Variants in GRIK2 observed in about 807,000 individuals in gnomAD.
The protein encoded by GRIK2 is glutamate ionotropic receptor kainate type subunit 2.
Under a neutral mutation model 100.3 loss-of-function variants are expected in GRIK2, and 32 were observed. The ratio of observed to expected loss-of-function variants is 0.32; its 90% CI spans 0.24 to 0.43. The LOEUF (loss-of-function observed/expected upper bound fraction) is 0.43. Among genes scored for constraint, GRIK2 ranks in the 20% least tolerant of loss-of-function variants. The pLI, the probability that GRIK2 is intolerant of heterozygous loss-of-function variation, is 1.00. For missense variants in GRIK2, 843 were observed against 1,114.9 expected, an observed-to-expected ratio of 0.76 and a Z score of 3.47; for synonymous variants, 417 against 389.4, an observed-to-expected ratio of 1.07 and a Z score of -0.83.
At chr6:101,987,832 T>A (rs1377962776) in intron 14 of GRIK2, among the ~76,000 whole-genome samples, 1 of 151,664 alleles carries the variant, frequency 6.6e-6, no homozygotes, top group Non-Finnish European at 1.5e-5. Flanking sequence ...CAGATTTAAA[T>A]TTTTTCATTT....
At chr6:101,741,097 G>A (rs1443846699) in intron 7 of GRIK2, among the ~76,000 whole-genome samples, 1 of 152,194 alleles carries the variant, frequency 6.6e-6, no homozygotes, top group East Asian at 1.9e-4. Flanking sequence ...CAAGGTCAGG[G>A]AAAGCCACAA....
intron 16 of GRIK2, among the ~76,000 whole-genome samples, chr6:102,060,435 A>G (rs1771689181): frequency 6.6e-6 from 1 of 150,826 alleles, no homozygotes; most frequent in African/African-American, 2.4e-5. Flanking sequence ...TTTAAAGGTC[A>G]TTTATAAGGA....
chr6:101,504,374 A>T (rs1253957271), intron 2 of GRIK2, among the ~76,000 whole-genome samples: 3 of 152,050 alleles, frequency 2.0e-5, no homozygotes, highest in African/African-American at 7.2e-5. Flanking sequence ...ATTTGCCACA[A>T]TAGGAAAGTC....
At chr6:101,584,251 T>G in intron 2 of GRIK2, among the ~76,000 whole-genome samples, 1 of 152,078 alleles carries the variant, frequency 6.6e-6, no homozygotes, top group East Asian at 1.9e-4. Flanking sequence ...AATATTAAAA[T>G]AAGGCAAACT....
chr6:101,736,749 G>T lies in GRIK2; in HGVS notation c.951+50396G>T, dbSNP rs1022281602. On this transcript the variant is annotated intron_variant, in intron 7 of 16. Coordinates refer to ENST00000369134, the MANE Select transcript of GRIK2 (RefSeq NM_021956.5). ...ATGCCCTGGAAACATTTTCCCCATT[G>T]TCTTGGGGATTAATATTCAGCTCCT... Among the ~76,000 whole-genome samples the T allele has an allele frequency of 3.9e-5, 6 of 152,178 alleles. 1 individual carries two copies. The highest frequency in any genetic ancestry group is 3.3e-4 in the Admixed American group (5 of 15,288).
chr6:101,484,617 T>C (rs1309407487), intron 2 of GRIK2, among the ~76,000 whole-genome samples: 2 of 151,856 alleles, frequency 1.3e-5, no homozygotes. Context: ...TATGAGGAAA[T>C]GTCTAGGTAG....
At chr6:101,650,810 G>A (rs1248706954) in intron 4 of GRIK2, among the ~76,000 whole-genome samples, 1 of 151,810 alleles carries the variant, frequency 6.6e-6, no homozygotes, top group Non-Finnish European at 1.5e-5. Flanking sequence ...GATTTGAAAT[G>A]GGGCTTACAG....
chr6:101,781,979 A>T (rs1779125787), intron 7 of GRIK2, among the ~76,000 whole-genome samples: 1 of 152,148 alleles, frequency 6.6e-6, no homozygotes, highest in Admixed American at 6.5e-5. Flanking sequence ...TCTTCCTATG[A>T]CAGAAAGAGG....
rs1013247386 is a variant in GRIK2 at position 102,069,923 on chromosome 6, G to A, written c.*1412G>A. ...ACCATGCCACACCCCTGGTTTCCAC[G>A]AGGCTGACAACATACTGTAATGAAC... On this transcript the variant is annotated 3_prime_UTR_variant, in exon 17 of 17. Coordinates refer to ENST00000369134, the MANE Select transcript of GRIK2 (RefSeq NM_021956.5). The A allele has an allele frequency of 6.6e-6, 1 of 151,954 alleles. No homozygotes were observed. The highest frequency in any genetic ancestry group is 2.4e-5 in the African/African-American group (1 of 41,398). The allele number at this position is 151,954 out of a possible 1,614,324, so 9.4% of individuals were successfully genotyped here.
Position 101,398,891 on chromosome 6 carries a change from C to T in GRIK2, c.-293-94C>T, listed in dbSNP as rs929725880. On this transcript the variant is annotated intron_variant, in intron 1 of 16. Transcript: ENST00000369134. ...CCTGGCAAAACCTTTGCTAGCAAAGCGCCTTTTGTGCCGGGCTGTGGCTCG... is the reference window on the plus strand; with the variant it reads ...CCTGGCAAAACCTTTGCTAGCAAAGTGCCTTTTGTGCCGGGCTGTGGCTCG... 2.6e-5 allele frequency: 11 copies of T among 423,320 alleles called. No homozygotes were observed. In the East Asian group the frequency reaches 3.5e-4, roughly 13 times the overall value. 26.2% of individuals were successfully genotyped at this position (423,320 alleles called of 1,614,324 possible).
chr6:101,711,131 T>C (rs1414420764), intron 7 of GRIK2, among the ~76,000 whole-genome samples: 2 of 151,848 alleles, frequency 1.3e-5, no homozygotes, highest in African/African-American at 4.8e-5. Context: ...TGCACCCCTC[T>C]ATCCCAATTA....
Position 101,626,552 on chromosome 6 carries a change from C to T in GRIK2, c.456C>T (p.Asp152=). The change falls in exon 4 of 17, where the codon GAC becomes GAT. Residue 152 remains aspartate, a synonymous_variant. Coordinates refer to ENST00000369134, the MANE Select transcript of GRIK2 (RefSeq NM_021956.5). ...KDSFYVSLYP[D]FSSLSRAILD... ...CCTTCTATGTCAGTCTCTACCCAGA[C>T]TTCTCTTCACTCAGCCGTGCCATTT... 6.2e-7 allele frequency: 1 copy of T among 1,613,846 alleles called. No homozygotes were observed.
chr6:102,063,758 T>TAA (rs34730340), intron 16 of GRIK2, among the ~76,000 whole-genome samples: 218 of 144,510 alleles, frequency 1.5e-3, no homozygotes, highest in Middle Eastern at 7.2e-3. Context: ...TAGAGCTCTT[T>TAA]AAAAAAAAAA....
chr6:101,581,643 G>T (rs1778104272), intron 2 of GRIK2, among the ~76,000 whole-genome samples: 1 of 152,108 alleles, frequency 6.6e-6, no homozygotes, highest in African/African-American at 2.4e-5. Context: ...TGTAAGTGCT[G>T]CTTAAGATAG....
At chr6:101,962,848 A>G (rs531379769) in intron 14 of GRIK2, among the ~76,000 whole-genome samples, 2 of 152,104 alleles carry the variant, frequency 1.3e-5, no homozygotes, top group Non-Finnish European at 2.9e-5. Flanking sequence ...CAAACCTACT[A>G]TTCCTTATTT....
intron 2 of GRIK2, among the ~76,000 whole-genome samples, chr6:101,403,659 G>A (rs539889812): frequency 7.9e-5 from 12 of 152,302 alleles, no homozygotes; most frequent in African/African-American, 2.9e-4. Context: ...TAGTGAGACT[G>A]AGCTTACAAG....
At position 102,016,455 on chromosome 6, in the gene GRIK2, T is replaced by C. The variant is rs189078191; in HGVS notation, c.2086-18886T>C. Among the ~76,000 whole-genome samples, 968 of 151,732 alleles carry C rather than the reference T, an allele frequency of 6.4e-3. 6 individuals carry two copies. The highest frequency in any genetic ancestry group is 0.011 in the Non-Finnish European group (758 of 67,888). The stretch of plus-strand genomic sequence containing the variant: ...TCAGAAAAGAATTTTAAAAAAAGAA[T>C]GAACCATGTCACATGTATACATATG... On this transcript the variant is annotated intron_variant, in intron 14 of 16. Transcript: ENST00000369134.
chr6:101,500,400 A>G (rs1028157097), intron 2 of GRIK2, among the ~76,000 whole-genome samples: 10 of 152,104 alleles, frequency 6.6e-5, no homozygotes, highest in African/African-American at 1.9e-4. Context: ...AGAGTAATCT[A>G]TAGGTTTTCT....
chr6:101,479,468 A>G (rs1178941727), intron 2 of GRIK2, among the ~76,000 whole-genome samples: 1 of 152,194 alleles, frequency 6.6e-6, no homozygotes. Context: ...ATAGTCCTAC[A>G]TACCAATTAG....
Sources: allele counts gnomAD v4.1 joint callset (sites outside exome capture counted in the v4.1 genomes callset), GRCh38; gene constraint gnomAD v4.1.1; transcripts MANE v1.5; gene names NCBI Gene and HGNC (gene_info 2026-07-23, HGNC 2026-07-21).